RAB3IL1: variants seen among roughly 807,000 people sequenced by gnomAD.
RAB3IL1 encodes the protein RAB3A interacting protein like 1, also known as guanine nucleotide exchange factor for Rab-3A.
RAB3IL1 carries 37 observed loss-of-function variants against 49.2 expected under a neutral mutation model. The observed-to-expected ratio is 0.75, with a 90% CI of 0.58 to 0.99. The LOEUF (loss-of-function observed/expected upper bound fraction) is 0.99. RAB3IL1 is among the 50% of genes least tolerant of loss of function. The pLI, the probability that RAB3IL1 is intolerant of heterozygous loss-of-function variation, is 0.00. For synonymous variants in RAB3IL1, 193 were observed against 213.9 expected, an observed-to-expected ratio of 0.90 and a Z score of 0.85; for missense variants, 484 against 513.0, an observed-to-expected ratio of 0.94 and a Z score of 0.55.
At position 61,908,042 on chromosome 11, in the gene RAB3IL1, G is replaced by A. The variant is rs375500411; in HGVS notation, c.264+12C>T. The A allele has an allele frequency of 1.3e-4, 210 of 1,600,792 alleles. No individual in the cohort carries two copies. The Middle Eastern group carries it at 1.3e-3, about 10-fold the overall frequency. On this transcript the variant is annotated intron_variant, in intron 2 of 9. Coordinates refer to ENST00000394836, the MANE Select transcript of RAB3IL1 (RefSeq NM_013401.4). ...CCCACCGAAGACCCCCCAGCCTACT[G>A]CAGGCACCCACCTTCTGCGCTCTGT... is the stretch of plus-strand genomic sequence containing the variant.
the RAB3IL1 span, among the ~76,000 whole-genome samples, chr11:61,931,121 C>T: frequency 6.6e-6 from 1 of 152,114 alleles, no homozygotes; most frequent in African/African-American, 2.4e-5. Context: ...CAAAGCGAAC[C>T]GATAAGCAAT....
intron 1 of RAB3IL1, among the ~76,000 whole-genome samples, chr11:61,911,709 C>G (rs556903974): frequency 5.9e-5 from 9 of 152,156 alleles, no homozygotes; most frequent in Non-Finnish European, 1.0e-4. Context: ...TGGAAAGGAG[C>G]CTGTTCAGAG....
chr11:61,941,135 C>G, the RAB3IL1 span, among the ~76,000 whole-genome samples: 1 of 151,932 alleles, frequency 6.6e-6, no homozygotes, highest in East Asian at 1.9e-4. Flanking sequence ...AGAAAAACTA[C>G]TACCAACCTT....
At chr11:61,912,915 G>T (rs1300809903) in intron 1 of RAB3IL1, among the ~76,000 whole-genome samples, 1 of 152,112 alleles carries the variant, frequency 6.6e-6, no homozygotes, top group Non-Finnish European at 1.5e-5. Flanking sequence ...GGCTGGATGG[G>T]GGGGCAGGAA....
the RAB3IL1 span, among the ~76,000 whole-genome samples, chr11:61,936,270 A>G: frequency 1.3e-5 from 2 of 152,374 alleles, no homozygotes; most frequent in East Asian, 3.9e-4. Flanking sequence ...AACTTCCAAT[A>G]TGTAATGGAA....
chr11:61,945,739 G>A, the RAB3IL1 span: 35 of 983,258 alleles, frequency 3.6e-5, no homozygotes, highest in Admixed American at 6.1e-5. Context: ...AGGGGTGGGG[G>A]TGGGTGGAAG....
chr11:61,907,310 C>T (rs549657357), intron 4 of RAB3IL1, 83 bp downstream of exon 4: 24 of 1,444,192 alleles, frequency 1.7e-5, no homozygotes, highest in South Asian at 1.3e-4. Context: ...AGCGTCCACT[C>T]GGGCAGCAAA....
intron 1 of RAB3IL1, among the ~76,000 whole-genome samples, chr11:61,912,662 T>C (rs1382383346): frequency 2.0e-5 from 3 of 152,114 alleles, no homozygotes; most frequent in Non-Finnish European, 2.9e-5. Flanking sequence ...GGATGGGAAC[T>C]GAATGCAGAG....
intron 1 of RAB3IL1, among the ~76,000 whole-genome samples, chr11:61,910,243 C>T (rs1236200823): frequency 6.6e-6 from 1 of 152,172 alleles, no homozygotes; most frequent in Non-Finnish European, 1.5e-5. Context: ...TTGGAATCGG[C>T]GCATCTGCTT....
chr11:61,913,676 A>G (rs1321522973), intron 1 of RAB3IL1, among the ~76,000 whole-genome samples: 1 of 152,098 alleles, frequency 6.6e-6, no homozygotes, highest in African/African-American at 2.4e-5. Flanking sequence ...GACCCTGCCC[A>G]TTCAGTCCAA....
intron 1 of RAB3IL1, among the ~76,000 whole-genome samples, chr11:61,911,232 C>T (rs1004858730): frequency 1.3e-5 from 2 of 152,174 alleles, no homozygotes; most frequent in African/African-American, 4.8e-5. Flanking sequence ...AGGCCAAATC[C>T]CAATGGCAAG....
upstream of RAB3IL1, among the ~76,000 whole-genome samples, chr11:61,922,726 T>A (rs1057166649): frequency 6.6e-6 from 1 of 152,020 alleles, no homozygotes; most frequent in Non-Finnish European, 1.5e-5. Flanking sequence ...GCCCAGCGGA[T>A]AACAGTATCT....
chr11:61,899,926 G>A (rs974634356), intron 8 of RAB3IL1, among the ~76,000 whole-genome samples: 6 of 152,216 alleles, frequency 3.9e-5, no homozygotes, highest in African/African-American at 1.2e-4. Context: ...GCCAGGCCCC[G>A]GGGACCCTGT....
Position 61,904,887 on chromosome 11 carries a change from G to T in RAB3IL1, c.658-5C>A, listed in dbSNP as rs764494261. ...TGCAAACAGGATTGTGTCCACCTGT[G>T]GGGGAGGGCAAGCGAGGGTGGGGGC... On this transcript the variant is annotated splice_region_variant and splice_polypyrimidine_tract_variant and intron_variant, in intron 5 of 9. Transcript: ENST00000394836. 14 of 1,585,672 alleles carry T rather than the reference G, an allele frequency of 8.8e-6. No individual in the cohort carries two copies. The highest frequency in any genetic ancestry group is 4.5e-5 in the East Asian group (2 of 44,634).
At position 61,898,224 on chromosome 11, in the gene RAB3IL1, C is replaced by A; in HGVS notation, c.*54G>T. 6.5e-7 allele frequency: 1 copy of A among 1,539,198 alleles called. No individual in the cohort carries two copies. Among genetic ancestry groups the A allele is most frequent in the South Asian group, 1.1e-5 (1 of 89,294 alleles). ...CCGTCTCCCTGTGTGTCGGCTTGTT[C>A]TGGGGTGGGTGTTTGCTCTGTCTCA... On this transcript the variant is annotated 3_prime_UTR_variant, in exon 10 of 10. Transcript: ENST00000394836. The surrounding 1 kb of genome is among the most constrained non-coding windows in gnomAD (Gnocchi z 5.1).
Position 61,907,278 on chromosome 11 carries a change from G to A in RAB3IL1, c.438+115C>T, listed in dbSNP as rs1450941425. The A allele has an allele frequency of 9.1e-6, 10 of 1,104,952 alleles. No individual in the cohort carries two copies. The East Asian group carries it at 2.3e-4, about 25-fold the overall frequency. The allele number at this position is 1,104,952 out of a possible 1,614,324, so 68.4% of individuals were successfully genotyped here. Reference sequence around the variant, plus strand: ...CCTGGGCCTAGGTTCACCCATTCCTGCTGGCCCCACCGGGCCAGGTGAGCG... The same window carrying A: ...CCTGGGCCTAGGTTCACCCATTCCTACTGGCCCCACCGGGCCAGGTGAGCG... On this transcript the variant is annotated intron_variant, in intron 4 of 9. Transcript: ENST00000394836.
upstream of RAB3IL1, chr11:61,920,409 G>A: frequency 1.9e-6 from 1 of 536,260 alleles, no homozygotes; most frequent in Non-Finnish European, 2.8e-6. Context: ...AAGACACTGG[G>A]CCCTCCTTCC....
chr11:61,923,574 G>A (rs552570451), upstream of RAB3IL1, among the ~76,000 whole-genome samples: 1 of 152,180 alleles, frequency 6.6e-6, no homozygotes. Context: ...CTCAGCAGAG[G>A]GGCCCTGGGT....
chr11:61,945,855 G>A, the RAB3IL1 span: 1 of 966,356 alleles, frequency 1.0e-6, no homozygotes, highest in South Asian at 4.8e-5. Flanking sequence ...AGTTGGTCCA[G>A]CTCTGGTCTA....
Sources: allele counts gnomAD v4.1 joint callset (sites outside exome capture counted in the v4.1 genomes callset), GRCh38; gene constraint gnomAD v4.1.1; non-coding constraint Gnocchi (gnomAD v3.1); transcripts MANE v1.5; gene names NCBI Gene and HGNC (gene_info 2026-07-23, HGNC 2026-07-21).